The following SLC25A12 variants were observed in gnomAD, a reference collection of about 807,000 sequenced individuals.
SLC25A12 encodes the protein electrogenic aspartate/glutamate antiporter SLC25A12, mitochondrial.
Under a neutral mutation model 83.3 loss-of-function variants are expected in SLC25A12, and 32 were observed. The ratio of observed to expected loss-of-function variants is 0.38; its 90% CI spans 0.29 to 0.52. The LOEUF is 0.52. SLC25A12 is among the 20% of genes least tolerant of loss of function. The pLI, the probability that SLC25A12 is intolerant of heterozygous loss-of-function variation, is 0.84. For missense variants in SLC25A12, 611 were observed against 835.6 expected, an observed-to-expected ratio of 0.73 and a Z score of 3.31; for synonymous variants, 267 against 291.1, an observed-to-expected ratio of 0.92 and a Z score of 0.84.
intron 4 of SLC25A12, among the ~76,000 whole-genome samples, chr2:171,854,441 C>T (rs955843963): frequency 6.6e-6 from 1 of 152,098 alleles, no homozygotes; most frequent in Admixed American, 6.5e-5. Context: ...GTGGCGCATG[C>T]CTGTAATCCC....
intron 15 of SLC25A12, chr2:171,788,701 G>A (rs1221182094): frequency 3.9e-5 from 6 of 152,298 alleles, no homozygotes; most frequent in Admixed American, 6.6e-5. Context: ...CTTCCCCGGG[G>A]GAAGAAATTC....
intron 9 of SLC25A12, among the ~76,000 whole-genome samples, chr2:171,818,263 C>T (rs1558917920): frequency 6.6e-6 from 1 of 151,786 alleles, no homozygotes; most frequent in Non-Finnish European, 1.5e-5. Context: ...GCAAATGGGC[C>T]AAAGGAAAAG....
intron 10 of SLC25A12, among the ~76,000 whole-genome samples, chr2:171,814,382 G>A (rs576334385): frequency 4.6e-5 from 7 of 152,030 alleles, no homozygotes; most frequent in Non-Finnish European, 8.8e-5. Flanking sequence ...TTAAGCAAGC[G>A]ATAAGGGAAA....
intron 8 of SLC25A12, among the ~76,000 whole-genome samples, chr2:171,830,915 G>A (rs1014427829): frequency 1.5e-4 from 23 of 152,300 alleles, no homozygotes; most frequent in Admixed American, 1.4e-3. Flanking sequence ...CCAACACATT[G>A]AGAGGAAAAC....
chr2:171,785,179 G>A lies in SLC25A12; in HGVS notation c.*95C>T. ...AAGAAGAGTTTGACTCCTCAGCTCAGTCAGTACCATGCAGCTGACTGGATA... is the reference window on the plus strand; with the variant it reads ...AAGAAGAGTTTGACTCCTCAGCTCAATCAGTACCATGCAGCTGACTGGATA... On this transcript the variant is annotated 3_prime_UTR_variant, in exon 18 of 18. Coordinates refer to ENST00000422440, the MANE Select transcript of SLC25A12 (RefSeq NM_003705.5). 8.9e-7 allele frequency: 1 copy of A among 1,119,022 alleles called. No individual in the cohort carries two copies. Among genetic ancestry groups the A allele is most frequent in the Non-Finnish European group, 1.4e-6 (1 of 737,250 alleles). The allele number at this position is 1,119,022 out of a possible 1,614,324, so 69.3% of individuals were successfully genotyped here. A position where few individuals can be genotyped will look rare whatever the true frequency, so the allele number is the denominator to read the frequency against.
intron 5 of SLC25A12, among the ~76,000 whole-genome samples, chr2:171,839,030 T>G (rs909475928): frequency 1.3e-5 from 2 of 152,206 alleles, no homozygotes; most frequent in Admixed American, 1.3e-4. Context: ...GCTCTCAGTT[T>G]ATACAGTATA....
rs111527441 is a variant in SLC25A12 at position 171,787,743 on chromosome 2, C to T, written c.1744+46G>A. The T allele has an allele frequency of 2.4e-3, 3,901 of 1,612,426 alleles. 43 individuals are homozygous for T. The highest frequency in any genetic ancestry group is 0.022 in the Middle Eastern group (136 of 6,062). Reference sequence around the variant, plus strand: ...ATAGCCACTGAGTCACAGGGGAGGACGCTAGAGCCAGCCAGCCATTCTGTA... The same window carrying T: ...ATAGCCACTGAGTCACAGGGGAGGATGCTAGAGCCAGCCAGCCATTCTGTA... On this transcript the variant is annotated intron_variant, in intron 16 of 17. Transcript: ENST00000422440.
intron 13 of SLC25A12, among the ~76,000 whole-genome samples, chr2:171,808,380 C>G (rs977028916): frequency 3.3e-5 from 5 of 150,478 alleles, no homozygotes; most frequent in Admixed American, 2.0e-4. Context: ...ATCTGAGTCT[C>G]TTGGTTCAGA....
At chr2:171,885,989 C>T (rs1685809286) in intron 2 of SLC25A12, among the ~76,000 whole-genome samples, 1 of 152,134 alleles carries the variant, frequency 6.6e-6, no homozygotes, top group Non-Finnish European at 1.5e-5. Flanking sequence ...CCTTTCATAA[C>T]TTTCTCAGTG....
At chr2:171,864,951 A>AC (rs1685254098) in intron 3 of SLC25A12, among the ~76,000 whole-genome samples, 1 of 152,230 alleles carries the variant, frequency 6.6e-6, no homozygotes, top group African/African-American at 2.4e-5. Flanking sequence ...TGCCTGACAA[A>AC]CAATGGCTGT....
At chr2:171,844,864 T>A (rs1043841749) in intron 4 of SLC25A12, among the ~76,000 whole-genome samples, 2 of 152,160 alleles carry the variant, frequency 1.3e-5, no homozygotes, top group African/African-American at 4.8e-5. Context: ...AGGAGTCGAA[T>A]TAAACCCTTT....
chr2:171,832,487 CTTATGT>C (rs1190789894), intron 8 of SLC25A12, among the ~76,000 whole-genome samples: 1 of 152,156 alleles, frequency 6.6e-6, no homozygotes. Flanking sequence ...ACTAGTTGTA[CTTATGT>C]TTATCAGCCA....
At chr2:171,838,737 A>C (rs935305910) in intron 5 of SLC25A12, among the ~76,000 whole-genome samples, 7 of 152,334 alleles carry the variant, frequency 4.6e-5, no homozygotes, top group Admixed American at 4.6e-4. Flanking sequence ...TTTGTCTTTT[A>C]AAGATACGTA....
chr2:171,797,990 TAA>T (rs1404793945), intron 13 of SLC25A12, among the ~76,000 whole-genome samples: 2 of 152,208 alleles, frequency 1.3e-5, no homozygotes, highest in African/African-American at 4.8e-5. Context: ...GCCTATTTTT[TAA>T]AAGAGATACA....
intron 2 of SLC25A12, among the ~76,000 whole-genome samples, chr2:171,876,557 C>A (rs1297347832): frequency 1.3e-4 from 15 of 119,774 alleles, no homozygotes; most frequent in African/African-American, 3.9e-4. Flanking sequence ...GGGGGGGGGA[C>A]TCAAGTGATC....
chr2:171,843,474 A>T (rs1391682040), intron 5 of SLC25A12, among the ~76,000 whole-genome samples: 1 of 151,994 alleles, frequency 6.6e-6, no homozygotes, highest in Non-Finnish European at 1.5e-5. Flanking sequence ...CTCTACTAAG[A>T]ATACAAAAAT....
At chr2:171,845,468 G>A (rs761479725) in intron 4 of SLC25A12, among the ~76,000 whole-genome samples, 6 of 152,002 alleles carry the variant, frequency 3.9e-5, no homozygotes, top group Non-Finnish European at 8.8e-5. Context: ...TCAAATTTCA[G>A]CCAATTTTAT....
chr2:171,864,842 T>G (rs1324615220), intron 3 of SLC25A12, among the ~76,000 whole-genome samples: 2 of 152,212 alleles, frequency 1.3e-5, no homozygotes, highest in Admixed American at 1.3e-4. Flanking sequence ...TGTTACTTTT[T>G]TCCTTTGTTT....
At chr2:171,866,421 G>T (rs1344409363) in intron 3 of SLC25A12, among the ~76,000 whole-genome samples, 1 of 141,748 alleles carries the variant, frequency 7.1e-6, no homozygotes, top group Non-Finnish European at 1.6e-5. Flanking sequence ...GGGCAGAGGC[G>T]CCCCTCACCT....
Sources: gnomAD v4.1 joint callset for allele counts (sites outside exome capture counted in the v4.1 genomes callset) on GRCh38, gnomAD v4.1.1 for gene constraint, MANE v1.5 for transcripts, NCBI Gene and HGNC (gene_info 2026-07-23, HGNC 2026-07-21) for gene names.